The following NCOA1 variants were observed in gnomAD, a reference collection of about 807,000 sequenced individuals.
NCOA1 encodes Hin-2 protein.
Under a neutral mutation model 150.9 loss-of-function variants are expected in NCOA1, and 35 were observed. The observed-to-expected ratio is 0.23, with a 90% CI of 0.18 to 0.31. The LOEUF (loss-of-function observed/expected upper bound fraction) is 0.31. NCOA1 is among the 10% of genes least tolerant of loss of function. The pLI is 1.00. For missense variants in NCOA1, 1,491 were observed against 1,749.3 expected, an observed-to-expected ratio of 0.85 and a Z score of 2.63; for synonymous variants, 590 against 630.0, an observed-to-expected ratio of 0.94 and a Z score of 0.95.
chr2:24,642,037 T>TGTGTGTGTGTGTGTGTGTGTGCGCGCGC (rs942145000), intron 3 of NCOA1, among the ~76,000 whole-genome samples: 22 of 138,554 alleles, frequency 1.6e-4, no homozygotes, highest in African/African-American at 5.1e-4. Context: ...TGTGTGTGTG[T>TGTGTGTGTGTGTGTGTGTGTGCGCGCGC]GCGCGCGTGC....
chr2:24,541,483 A>C (rs949130928), intron 1 of NCOA1, among the ~76,000 whole-genome samples: 1 of 152,234 alleles, frequency 6.6e-6, no homozygotes, highest in Admixed American at 6.5e-5. Flanking sequence ...ACTCTCTTTT[A>C]TACAGACTAC....
intron 19 of NCOA1, among the ~76,000 whole-genome samples, chr2:24,746,474 G>A (rs1055697927): frequency 6.6e-6 from 1 of 152,126 alleles, no homozygotes; most frequent in African/African-American, 2.4e-5. Flanking sequence ...CCCAGGAGGC[G>A]GAGGTTGCAG....
intron 2 of NCOA1, among the ~76,000 whole-genome samples, chr2:24,581,833 A>G (rs1348129250): frequency 1.3e-5 from 2 of 152,244 alleles, no homozygotes; most frequent in South Asian, 2.1e-4. Context: ...GATTCATCAT[A>G]TCAACAGAAT....
intron 3 of NCOA1, among the ~76,000 whole-genome samples, chr2:24,633,743 A>G (rs1669810442): frequency 6.6e-6 from 1 of 152,242 alleles, no homozygotes. Context: ...CTCTGGGGGA[A>G]GTCTGAAACA....
intron 3 of NCOA1, among the ~76,000 whole-genome samples, chr2:24,611,444 T>C (rs1238418951): frequency 6.6e-6 from 1 of 152,204 alleles, no homozygotes; most frequent in African/African-American, 2.4e-5. Context: ...CAATTTATAT[T>C]CTTTTGGATA....
intron 3 of NCOA1, among the ~76,000 whole-genome samples, chr2:24,603,423 G>A (rs377108890): frequency 4.1e-4 from 63 of 152,136 alleles, no homozygotes; most frequent in African/African-American, 8.2e-4. Context: ...TCTCTGTAAC[G>A]TGATGCTATT....
At chr2:24,579,281 G>C (rs971058645) in intron 2 of NCOA1, among the ~76,000 whole-genome samples, 2 of 152,150 alleles carry the variant, frequency 1.3e-5, no homozygotes, top group African/African-American at 4.8e-5. Flanking sequence ...TTTATCTGAG[G>C]AAAGACCTGA....
intron 3 of NCOA1, among the ~76,000 whole-genome samples, chr2:24,622,974 T>G (rs56185971): frequency 6.6e-6 from 1 of 152,312 alleles, no homozygotes; most frequent in African/African-American, 2.4e-5. Flanking sequence ...TGTGGACACA[T>G]GTACATATGT....
At chr2:24,610,269 A>G (rs1328885833) in intron 3 of NCOA1, among the ~76,000 whole-genome samples, 1 of 151,190 alleles carries the variant, frequency 6.6e-6, no homozygotes, top group Non-Finnish European at 1.5e-5. Context: ...GACTACAGGC[A>G]CTTGCCACCA....
chr2:24,518,294 G>A (rs923407502), intron 1 of NCOA1, among the ~76,000 whole-genome samples: 3 of 152,056 alleles, frequency 2.0e-5, no homozygotes, highest in African/African-American at 7.2e-5. Flanking sequence ...ATTAGAAATA[G>A]AGATAAGAAT....
chr2:24,658,155 T>A (rs1351943941), intron 4 of NCOA1, among the ~76,000 whole-genome samples: 1 of 152,260 alleles, frequency 6.6e-6, no homozygotes, highest in Admixed American at 6.5e-5. Flanking sequence ...ATTCAAAATC[T>A]AAATCTAGTT....
At chr2:24,768,062 C>T (rs1219420697) in intron 22 of NCOA1, 159 bp from the exon 23 acceptor site, 5 of 1,612,812 alleles carry the variant, frequency 3.1e-6, no homozygotes, top group East Asian at 2.2e-5. Context: ...ATGAGTGCAG[C>T]GATTTTCTTT....
intron 13 of NCOA1, among the ~76,000 whole-genome samples, chr2:24,709,477 C>T (rs1673625525): frequency 6.6e-6 from 1 of 152,084 alleles, no homozygotes; most frequent in African/African-American, 2.4e-5. Context: ...TGTAAATTGC[C>T]TAGTCTAGTC....
chr2:24,503,142 C>T (rs915339029), intron 1 of NCOA1, among the ~76,000 whole-genome samples: 3 of 152,142 alleles, frequency 2.0e-5, no homozygotes, highest in Admixed American at 2.0e-4. Flanking sequence ...TGAATGTGTG[C>T]GTGTTCCTGG....
At chr2:24,750,933 G>T (rs1361195997) in intron 19 of NCOA1, among the ~76,000 whole-genome samples, 2 of 144,376 alleles carry the variant, frequency 1.4e-5, no homozygotes, top group African/African-American at 5.0e-5. Context: ...AAGGAGGGGG[G>T]GAAGAGTGGC....
Position 24,770,618 on chromosome 2 carries a change from GA to G in NCOA1, c.*2230del, listed in dbSNP as rs374413301. 1,233 of 205,464 alleles carry G rather than the reference GA, an allele frequency of 6.0e-3. 14 individuals carry two copies. The highest frequency in any genetic ancestry group is 0.026 in the African/African-American group (1,136 of 43,902). The allele number at this position is 205,464 out of a possible 1,614,324, so 12.7% of individuals were successfully genotyped here. On this transcript the variant is annotated 3_prime_UTR_variant, in exon 23 of 23. Coordinates refer to ENST00000348332, the MANE Select transcript of NCOA1 (RefSeq NM_003743.5). ...GGGTTGCCTCTTCATTTACAGGGAAGAAATGAAATGTACATCTGCAGAAATT... is the reference window on the plus strand; with the variant it reads ...GGGTTGCCTCTTCATTTACAGGGAAGAATGAAATGTACATCTGCAGAAATT...
At chr2:24,524,030 G>C (rs1664551585) in intron 1 of NCOA1, among the ~76,000 whole-genome samples, 1 of 151,664 alleles carries the variant, frequency 6.6e-6, no homozygotes, top group African/African-American at 2.4e-5. Context: ...CCACTTATGG[G>C]AGCTGATTTT....
At chr2:24,657,930 A>G (rs1035353852) in intron 4 of NCOA1, among the ~76,000 whole-genome samples, 5 of 152,216 alleles carry the variant, frequency 3.3e-5, no homozygotes, top group Non-Finnish European at 5.9e-5. Flanking sequence ...TAGGGATTAT[A>G]TGGAGAATAA....
chr2:24,522,503 G>A (rs1020418940), intron 1 of NCOA1, among the ~76,000 whole-genome samples: 2 of 152,066 alleles, frequency 1.3e-5, no homozygotes, highest in Admixed American at 6.5e-5. Context: ...ATCTGATAAG[G>A]GTACATGTTA....
Sources: allele counts gnomAD v4.1 joint callset (sites outside exome capture counted in the v4.1 genomes callset), GRCh38; gene constraint gnomAD v4.1.1; transcripts MANE v1.5; gene names NCBI Gene and HGNC (gene_info 2026-07-23, HGNC 2026-07-21).